The following WDFY3 variants were observed in gnomAD, a reference collection of about 807,000 sequenced individuals.
The protein encoded by WDFY3 is WD repeat and FYVE domain containing 3, also known as WD repeat and FYVE domain-containing protein 3.
A neutral mutation model predicts 409.6 loss-of-function variants in WDFY3; 66 were observed. The observed-to-expected ratio is 0.16, with a 90% confidence interval of 0.13 to 0.20. The LOEUF (loss-of-function observed/expected upper bound fraction) is 0.20, where lower values mean the gene tolerates loss of function less well. Ranked by LOEUF, WDFY3 falls within the 10% of genes least tolerant of loss-of-function variation. The probability of loss-of-function intolerance (pLI) is 1.00; values close to 1 mark genes in which losing one functional copy is unlikely to be tolerated. For synonymous variants in WDFY3, 1,521 were observed against 1,537.1 expected (o/e 0.99, Z 0.25); for missense variants, 3,031 against 4,298.1 (o/e 0.71, Z 8.24).
chr4:84,821,089 T>C lies in WDFY3; in HGVS notation c.1586A>G (p.Glu529Gly). Residue 529 changes from glutamate to glycine, a missense_variant, in exon 11 of 68, where the codon GAA becomes GGA. Physicochemically the swap from Glu to Gly is moderately conservative, Grantham distance 98. This residue lies in a region of WDFY3 where 1,322 missense variants were observed against 1,697.9 expected (regional missense o/e 0.78). Transcript: ENST00000295888. ...AATTACAGACAATACTTTACCTTGT[T>C]CATTTAGTGCCTGAGTTGGATCCTT... is the stretch of plus-strand genomic sequence containing the variant. The part of the protein sequence containing the change: ...LLKDPTQALN[E>G]QGDSRNNSSV... The C allele has an allele frequency of 9.4e-6, 15 of 1,603,490 alleles. No homozygotes were observed. Among genetic ancestry groups the C allele is most frequent in the Non-Finnish European group, 1.3e-5 (15 of 1,176,042 alleles).
chr4:84,860,726 G>T, intron 3 of WDFY3, 104 bp from the exon 4 acceptor site: 1 of 1,027,814 alleles, frequency 9.7e-7, no homozygotes, highest in Non-Finnish European at 1.3e-6. Flanking sequence ...AGAAAATTCT[G>T]TCTAAAATAT....
chr4:84,809,748 T>G, intron 14 of WDFY3, 139 bp downstream of exon 14: 1 of 725,794 alleles, frequency 1.4e-6, no homozygotes. Context: ...TATTCAAAAA[T>G]AAAGTGATAC....
chr4:84,898,449 T>TA (rs1658402220), intron 2 of WDFY3, among the ~76,000 whole-genome samples: 2 of 152,156 alleles, frequency 1.3e-5, no homozygotes, highest in Non-Finnish European at 2.9e-5. Flanking sequence ...CCCAAATAGT[T>TA]ACCTCTTTTA....
At chr4:84,864,890 C>T (rs1761155308) in intron 3 of WDFY3, among the ~76,000 whole-genome samples, 2 of 149,878 alleles carry the variant, frequency 1.3e-5, no homozygotes, top group Admixed American at 1.3e-4. Flanking sequence ...ATACATAAAT[C>T]TTTTTTTTTT....
chr4:84,759,055 C>T (rs893244446), intron 32 of WDFY3, among the ~76,000 whole-genome samples: 16 of 152,254 alleles, frequency 1.1e-4, no homozygotes, highest in African/African-American at 3.6e-4. Context: ...ATTTATTGAA[C>T]AGGGAATCCT....
chr4:84,909,828 C>A (rs995414674), intron 2 of WDFY3, among the ~76,000 whole-genome samples: 3 of 152,086 alleles, frequency 2.0e-5, no homozygotes, highest in Non-Finnish European at 4.4e-5. Context: ...TGTCTCTAAT[C>A]CTCAAATTTC....
chr4:84,850,103 T>G, intron 4 of WDFY3, 78 bp from the exon 5 acceptor site: 14 of 1,468,794 alleles, frequency 9.5e-6, no homozygotes, highest in African/African-American at 1.4e-5. Context: ...AAGTGTGGTA[T>G]GACTTGAAAA....
intron 25 of WDFY3, among the ~76,000 whole-genome samples, chr4:84,780,739 G>A (rs1015617628): frequency 1.6e-4 from 25 of 152,096 alleles, no homozygotes; most frequent in Non-Finnish European, 3.7e-4. Context: ...ACTCCAGCCT[G>A]GGTGACAGAG....
intron 2 of WDFY3, among the ~76,000 whole-genome samples, chr4:84,922,783 C>T (rs1173678817): frequency 6.6e-6 from 1 of 152,110 alleles, no homozygotes; most frequent in Non-Finnish European, 1.5e-5. Context: ...CCTCAGCCTT[C>T]TGAGTAATTG....
At chr4:84,921,434 T>C (rs1224580549) in intron 2 of WDFY3, among the ~76,000 whole-genome samples, 3 of 151,986 alleles carry the variant, frequency 2.0e-5, no homozygotes, top group East Asian at 3.9e-4. Context: ...CAGAGATTTG[T>C]CTAGTGTTAA....
chr4:84,695,836 T>C (rs910309701), intron 58 of WDFY3, 134 bp downstream of exon 58: 69 of 874,452 alleles, frequency 7.9e-5, no homozygotes, highest in Non-Finnish European at 2.9e-5. Flanking sequence ...TAGGAATCTA[T>C]TGAAATCCTA....
intron 10 of WDFY3, among the ~76,000 whole-genome samples, chr4:84,821,886 G>A (rs1754124998): frequency 6.6e-6 from 1 of 152,122 alleles, no homozygotes; most frequent in African/African-American, 2.4e-5. Context: ...CTATGAGATT[G>A]ATTTTGACTA....
Position 84,690,680 on chromosome 4 carries a change from G to A in WDFY3, c.9205-16C>T, listed in dbSNP as rs754370698. 19 of 1,601,298 alleles carry A rather than the reference G, an allele frequency of 1.2e-5. No homozygotes were observed. Among genetic ancestry groups the A allele is most frequent in the Middle Eastern group, 1.7e-4 (1 of 5,960 alleles). ...CAGTCATGGCCTATAAAGTAAAACG[G>A]ATGTGAGACACACATGCCGTTAAGT... On this transcript the variant is annotated splice_polypyrimidine_tract_variant and intron_variant, in intron 60 of 67. Transcript: ENST00000295888.
chr4:84,710,129 C>T (rs1732639504), intron 51 of WDFY3, among the ~76,000 whole-genome samples: 1 of 152,188 alleles, frequency 6.6e-6, no homozygotes, highest in Non-Finnish European at 1.5e-5. Context: ...ATCCTCCTAA[C>T]TCAGCCTCCC....
chr4:84,859,947 ACT>A (rs1760358529), intron 4 of WDFY3, among the ~76,000 whole-genome samples: 1 of 152,126 alleles, frequency 6.6e-6, no homozygotes, highest in South Asian at 2.1e-4. Flanking sequence ...GAAAACATTA[ACT>A]CTATTTGAAT....
intron 30 of WDFY3, among the ~76,000 whole-genome samples, chr4:84,769,669 G>T (rs768038580): frequency 2.0e-5 from 3 of 151,872 alleles, no homozygotes; most frequent in Non-Finnish European, 2.9e-5. Flanking sequence ...TGATCCACCC[G>T]CCTTGGCCTC....
intron 37 of WDFY3, among the ~76,000 whole-genome samples, chr4:84,742,130 A>T (rs185212865): frequency 6.6e-6 from 1 of 152,332 alleles, no homozygotes; most frequent in East Asian, 1.9e-4. Context: ...AGCGTTATGG[A>T]TTGAAACTAC....
At position 84,716,941 on chromosome 4, in the gene WDFY3, T is replaced by C. The variant is rs754231358; in HGVS notation, c.7830A>G (p.Ala2610=). 1.7e-5 allele frequency: 28 copies of C among 1,607,928 alleles called. No homozygotes were observed. Among genetic ancestry groups the C allele is most frequent in the Non-Finnish European group, 2.4e-5 (28 of 1,176,800 alleles). Residue 2610 remains alanine, a synonymous_variant, in exon 49 of 68, where the codon GCA becomes GCG. Coordinates refer to ENST00000295888, the MANE Select transcript of WDFY3 (RefSeq NM_014991.6). The part of the protein sequence containing the change: ...SQLKRTCSIF[A]YEDIKEVHKR... ...TATGAACTTCCTTGATATCTTCATATGCAAAAATGCTGCATGTTCTCTTGA... is the reference window on the plus strand; with the variant it reads ...TATGAACTTCCTTGATATCTTCATACGCAAAAATGCTGCATGTTCTCTTGA...
At chr4:84,825,874 C>T (rs1441785245) in intron 10 of WDFY3, among the ~76,000 whole-genome samples, 2 of 151,882 alleles carry the variant, frequency 1.3e-5, no homozygotes, top group African/African-American at 2.4e-5. Context: ...CTATTAGAGG[C>T]CTCCAGGCTC....
Sources: allele counts gnomAD v4.1 joint callset (sites outside exome capture counted in the v4.1 genomes callset), GRCh38; gene constraint gnomAD v4.1.1; regional missense constraint gnomAD v4.1.1; transcripts MANE v1.5; gene names NCBI Gene and HGNC (gene_info 2026-07-23, HGNC 2026-07-21).